Variants in TAFA2 observed in about 807,000 individuals in gnomAD.
TAFA2 encodes TAFA chemokine like family member 2.
In TAFA2, 7 loss-of-function variants were observed where a neutral mutation model predicts 18.8. The observed-to-expected ratio is 0.37, with a 90% confidence interval of 0.21 to 0.70. The LOEUF (loss-of-function observed/expected upper bound fraction) is 0.70. Ranked by LOEUF, TAFA2 falls within the 30% of genes least tolerant of loss-of-function variation. The pLI is 0.53. For synonymous variants in TAFA2, 60 were observed against 54.2 expected, an observed-to-expected ratio of 1.11 and a Z score of -0.47; for missense variants, 122 against 158.1, an observed-to-expected ratio of 0.77 and a Z score of 1.23.
At chr12:62,040,009 G>C (rs1185812245) in intron 1 of TAFA2, among the ~76,000 whole-genome samples, 1 of 152,128 alleles carries the variant, frequency 6.6e-6, no homozygotes, top group Non-Finnish European at 1.5e-5. Context: ...GTTGCTTCTA[G>C]ATGTTCATTT....
chr12:61,920,141 T>C (rs1019735896), intron 1 of TAFA2, among the ~76,000 whole-genome samples: 1 of 152,222 alleles, frequency 6.6e-6, no homozygotes, highest in African/African-American at 2.4e-5. Context: ...CTAACTTAGA[T>C]GGTAAATGAG....
chr12:62,002,426 C>T (rs554861897), intron 1 of TAFA2, among the ~76,000 whole-genome samples: 1 of 152,192 alleles, frequency 6.6e-6, no homozygotes, highest in East Asian at 1.9e-4. Flanking sequence ...CTCATTTTTG[C>T]GTAATGGGCC....
At chr12:61,999,900 G>T (rs1252193914) in intron 1 of TAFA2, among the ~76,000 whole-genome samples, 1 of 152,148 alleles carries the variant, frequency 6.6e-6, no homozygotes, top group Non-Finnish European at 1.5e-5. Flanking sequence ...GTGGGAAAGA[G>T]GTAGCATCTT....
chr12:62,089,252 A>G (rs577051007), intron 1 of TAFA2, among the ~76,000 whole-genome samples: 1 of 152,194 alleles, frequency 6.6e-6, no homozygotes, highest in South Asian at 2.1e-4. Flanking sequence ...GTGATGGGTA[A>G]TTGACTGGGG....
rs370869380 is a variant in TAFA2, at chr12:61,897,492, C to T, written c.-1-30066G>A. Among the ~76,000 whole-genome samples the T allele has an allele frequency of 4.6e-4, 70 of 152,232 alleles. 1 individual carries two copies. The South Asian group carries it at 0.014, about 31-fold the overall frequency. ...GGCTTGGGAAGCCTCAGGAAACTTA[C>T]TATCATAGCAGAAGGGGAAGCAGGC... On this transcript the variant is annotated intron_variant, in intron 1 of 4. Coordinates refer to ENST00000416284, the MANE Select transcript of TAFA2 (RefSeq NM_178539.5).
At chr12:62,169,403 T>C in intron 1 of TAFA2, among the ~76,000 whole-genome samples, 1 of 152,194 alleles carries the variant, frequency 6.6e-6, no homozygotes, top group East Asian at 1.9e-4. Flanking sequence ...CAACCACTTG[T>C]AAACTGATGA....
intron 1 of TAFA2, among the ~76,000 whole-genome samples, chr12:62,221,783 A>C (rs548308590): frequency 6.6e-6 from 1 of 152,336 alleles, no homozygotes; most frequent in South Asian, 2.1e-4. Context: ...ATCATTTTTA[A>C]ATAAGATGCA....
intron 2 of TAFA2, among the ~76,000 whole-genome samples, chr12:61,775,285 T>C (rs1870208158): frequency 6.6e-6 from 1 of 151,808 alleles, no homozygotes; most frequent in African/African-American, 2.4e-5. Context: ...AAACATATAA[T>C]CCAGCAATAG....
chr12:62,024,515 T>C (rs1881252189), intron 1 of TAFA2, among the ~76,000 whole-genome samples: 1 of 152,134 alleles, frequency 6.6e-6, no homozygotes, highest in South Asian at 2.1e-4. Context: ...AATCCTAGAA[T>C]AAAACTTAGA....
Position 62,121,410 on chromosome 12 carries a change from G to A in TAFA2, c.-2+69849C>T, listed in dbSNP as rs17125908. ...ATGATTTGTGTGTAACATTGAGCCA[G>A]TGATTCAACTTTACTGAGACTCAGT... On this transcript the variant is annotated intron_variant, in intron 1 of 4. Coordinates refer to ENST00000416284, the MANE Select transcript of TAFA2 (RefSeq NM_178539.5). 8.2e-3 allele frequency among the ~76,000 whole-genome samples: 1,252 copies of A among 152,282 alleles called. 20 individuals are homozygous for A. Among genetic ancestry groups the A allele is most frequent in the African/African-American group, 0.029 (1,206 of 41,540 alleles).
At chr12:62,177,492 T>C (rs1374028413) in intron 1 of TAFA2, among the ~76,000 whole-genome samples, 3 of 152,202 alleles carry the variant, frequency 2.0e-5, no homozygotes, top group Admixed American at 2.0e-4. Context: ...TGTTAAGACA[T>C]TTCCTGGGAG....
chr12:62,075,987 C>T (rs1228935682), intron 1 of TAFA2, among the ~76,000 whole-genome samples: 3 of 152,152 alleles, frequency 2.0e-5, no homozygotes, highest in African/African-American at 7.2e-5. Context: ...GTTAAGTACC[C>T]TGGCAAATAT....
chr12:61,737,847 C>T (rs1592355592), intron 4 of TAFA2, among the ~76,000 whole-genome samples: 2 of 152,048 alleles, frequency 1.3e-5, no homozygotes, highest in East Asian at 3.9e-4. Flanking sequence ...GTATTTCTAG[C>T]TCTTTAATAC....
At chr12:61,895,760 A>T (rs1413776431) in intron 1 of TAFA2, among the ~76,000 whole-genome samples, 1 of 152,180 alleles carries the variant, frequency 6.6e-6, no homozygotes, top group Non-Finnish European at 1.5e-5. Flanking sequence ...CCACACAGCT[A>T]AATAGTAGGT....
Position 62,202,821 on chromosome 12 carries a change from C to CCTTTTTTTTTTTTTTTTTTTTTTTTT in TAFA2, c.-130+55941_-130+55942insAAAAAAAAAAAAAAAAAAAAAAAAAG, listed in dbSNP as rs368047311. Among the ~76,000 whole-genome samples, 2 of 61,626 alleles carry CCTTTTTTTTTTTTTTTTTTTTTTTTT rather than the reference C, an allele frequency of 3.2e-5. 1 individual carries two copies. The highest frequency in any genetic ancestry group is 1.2e-4 in the African/African-American group (2 of 17,040). The allele number at this position is 61,626 out of a possible 152,430, so 40.4% of individuals were successfully genotyped here. A position where few individuals can be genotyped will look rare whatever the true frequency, so the allele number is the denominator to read the frequency against. On this transcript the variant is annotated intron_variant, in intron 1 of 5. Coordinates refer to the TAFA2 transcript ENST00000551619. ...TCAATTTACATGTAGCTGTGTGGTT[C>CCTTTTTTTTTTTTTTTTTTTTTTTTT]TTTTTTTTTTTTTTTTTTTTTTTTT... is the stretch of plus-strand genomic sequence containing the variant.
intron 2 of TAFA2, among the ~76,000 whole-genome samples, chr12:61,857,162 T>C (rs543703590): frequency 3.2e-4 from 48 of 150,842 alleles, no homozygotes; most frequent in African/African-American, 1.1e-3. Flanking sequence ...ACTGAAAATA[T>C]ACAAATGTAA....
chr12:61,762,758 C>T (rs548861520), intron 2 of TAFA2, among the ~76,000 whole-genome samples: 2 of 151,610 alleles, frequency 1.3e-5, no homozygotes, highest in East Asian at 3.9e-4. Flanking sequence ...TGAATTTGTT[C>T]CTACTTGGTT....
intron 1 of TAFA2, among the ~76,000 whole-genome samples, chr12:62,134,966 C>T (rs961747013): frequency 2.6e-5 from 4 of 152,008 alleles, no homozygotes; most frequent in Non-Finnish European, 5.9e-5. Context: ...TTCTACTCTT[C>T]TATCAGATCT....
intron 2 of TAFA2, among the ~76,000 whole-genome samples, chr12:61,790,834 C>G (rs565522843): frequency 6.6e-6 from 1 of 151,638 alleles, no homozygotes; most frequent in African/African-American, 2.4e-5. Flanking sequence ...AAAATACTAA[C>G]GGTGTTATTT....
Sources: allele counts gnomAD v4.1 joint callset (sites outside exome capture counted in the v4.1 genomes callset), GRCh38; gene constraint gnomAD v4.1.1; transcripts MANE v1.5; gene names NCBI Gene and HGNC (gene_info 2026-07-23, HGNC 2026-07-21).